PRKACB: variants seen among roughly 807,000 people sequenced by gnomAD.
PRKACB encodes protein kinase cAMP-activated catalytic subunit beta, also known as cAMP-dependent protein kinase catalytic subunit beta.
Under a neutral mutation model 51.4 loss-of-function variants are expected in PRKACB, and 16 were observed. The observed-to-expected ratio is 0.31, with a 90% CI of 0.21 to 0.47. The LOEUF (loss-of-function observed/expected upper bound fraction) is 0.47, where lower values mean the gene tolerates loss of function less well. Ranked by LOEUF, PRKACB falls within the 20% of genes least tolerant of loss-of-function variation. The pLI, the probability that PRKACB is intolerant of heterozygous loss-of-function variation, is 1.00. For synonymous variants in PRKACB, 147 were observed against 154.4 expected, an observed-to-expected ratio of 0.95 and a Z score of 0.35; for missense variants, 309 against 464.5, an observed-to-expected ratio of 0.67 and a Z score of 3.08.
intron 1 of PRKACB, among the ~76,000 whole-genome samples, chr1:84,153,875 C>CTTTCT (rs1655133626): frequency 6.6e-6 from 1 of 152,040 alleles, no homozygotes. Context: ...ATACTGATTT[C>CTTTCT]TTTCTTTTGA....
intron 1 of PRKACB, among the ~76,000 whole-genome samples, chr1:84,152,439 A>G (rs777417640): frequency 6.6e-6 from 1 of 152,184 alleles, no homozygotes; most frequent in Non-Finnish European, 1.5e-5. Context: ...CTCTCTAGCT[A>G]GGAAAGTTCT....
chr1:84,185,156 A>C lies in PRKACB; in HGVS notation c.534A>C (p.Ser178=), dbSNP rs771432016. The change falls in exon 5 of 10, where the codon TCA becomes TCC. Residue 178 remains serine, a synonymous_variant. Coordinates refer to ENST00000370685, the MANE Select transcript of PRKACB (RefSeq NM_182948.4). ...MEYVPGGEMF[S]HLRRIGRFSE... is the part of the protein sequence containing the mutation. ...ATGTCCCTGGGGGTGAAATGTTTTC[A>C]CATCTAAGAAGAATTGGAAGGTTCA... 4 of 1,507,770 alleles carry C rather than the reference A, an allele frequency of 2.7e-6. No individual in the cohort carries two copies. The South Asian group carries it at 5.3e-5, about 20-fold the overall frequency. The allele number at this position is 1,507,770 out of a possible 1,614,324, so 93.4% of individuals were successfully genotyped here. A position where few individuals can be genotyped will look rare whatever the true frequency, so the allele number is the denominator to read the frequency against.
chr1:84,182,397 T>A, intron 3 of PRKACB, 69 bp downstream of exon 3: 1 of 1,228,544 alleles, frequency 8.1e-7, no homozygotes, highest in Non-Finnish European at 1.1e-6. Context: ...ATTAAACAGA[T>A]TCAGTATAAT....
intron 1 of PRKACB, among the ~76,000 whole-genome samples, chr1:84,088,279 A>G (rs1464715372): frequency 6.6e-6 from 1 of 152,190 alleles, no homozygotes; most frequent in Non-Finnish European, 1.5e-5. Flanking sequence ...TTTCAGGGAC[A>G]TCTGAAACTT....
At chr1:84,132,730 AATG>A (rs1273514003) in intron 1 of PRKACB, among the ~76,000 whole-genome samples, 1 of 152,146 alleles carries the variant, frequency 6.6e-6, no homozygotes, top group Admixed American at 6.5e-5. Context: ...CTATAACAGA[AATG>A]AAGAATGCCA....
At chr1:84,098,823 A>T (rs1649121733) in intron 1 of PRKACB, among the ~76,000 whole-genome samples, 1 of 152,090 alleles carries the variant, frequency 6.6e-6, no homozygotes, top group South Asian at 2.1e-4. Flanking sequence ...CTGAAAATGT[A>T]TGCTGGAAGT....
chr1:84,091,987 T>G (rs577832337), intron 1 of PRKACB, among the ~76,000 whole-genome samples: 1 of 152,300 alleles, frequency 6.6e-6, no homozygotes, highest in South Asian at 2.1e-4. Context: ...AGGAAACTTT[T>G]TTGGTTTTTG....
Position 84,237,949 on chromosome 1 carries a change from G to C in PRKACB, c.*2644G>C, listed in dbSNP as rs1482113375. The C allele has an allele frequency of 2.6e-5, 4 of 152,248 alleles. No homozygotes were observed. In the East Asian group the frequency reaches 7.7e-4, roughly 29 times the overall value. 9.4% of individuals were successfully genotyped at this position (152,248 alleles called of 1,614,324 possible). A position where few individuals can be genotyped will look rare whatever the true frequency, so the allele number is the denominator to read the frequency against. On this transcript the variant is annotated 3_prime_UTR_variant, in exon 10 of 10. Transcript: ENST00000370685. Reference sequence around the variant, plus strand: ...TCCTAACTTTCACAGTCGATGACAAGATTGTCTTTTTATCTGATATTTTGA... The same window carrying C: ...TCCTAACTTTCACAGTCGATGACAACATTGTCTTTTTATCTGATATTTTGA...
In PRKACB at chr1:84,144,323, C is replaced by T. The variant is rs1245710967; in HGVS notation, c.-39C>T. ...AGAAGTTGTGAGCTCCTTCTGGAAACATTTGCAGTTACATTAAGTAAAGTG... is the reference window on the plus strand; with the variant it reads ...AGAAGTTGTGAGCTCCTTCTGGAAATATTTGCAGTTACATTAAGTAAAGTG... On this transcript the variant is annotated 5_prime_UTR_variant, in exon 1 of 10. Coordinates refer to ENST00000370685, the MANE Select transcript of PRKACB (RefSeq NM_182948.4). The T allele has an allele frequency of 3.1e-6, 5 of 1,597,022 alleles. No individual in the cohort carries two copies. In the South Asian group the frequency reaches 5.7e-5, roughly 18 times the overall value.
intron 1 of PRKACB, among the ~76,000 whole-genome samples, chr1:84,120,538 A>G (rs1242966557): frequency 6.6e-6 from 1 of 152,126 alleles, no homozygotes; most frequent in Non-Finnish European, 1.5e-5. Flanking sequence ...AACACACAAT[A>G]ATGACTGTGC....
intron 1 of PRKACB, among the ~76,000 whole-genome samples, chr1:84,151,984 G>A (rs893243880): frequency 6.6e-6 from 1 of 152,114 alleles, no homozygotes; most frequent in Non-Finnish European, 1.5e-5. Context: ...AATTTACTTT[G>A]CCCAGATCCA....
chr1:84,121,803 A>C (rs1651100775), intron 1 of PRKACB, among the ~76,000 whole-genome samples: 2 of 152,206 alleles, frequency 1.3e-5, no homozygotes, highest in South Asian at 4.1e-4. Context: ...TCTTTGTGAG[A>C]GAAGCCCTCT....
At chr1:84,115,938 G>A (rs1650604520) in intron 1 of PRKACB, among the ~76,000 whole-genome samples, 1 of 141,406 alleles carries the variant, frequency 7.1e-6, no homozygotes, top group South Asian at 2.3e-4. Flanking sequence ...CTAGAGCAAT[G>A]TCCAGGAGAG....
At chr1:84,228,721 T>G (rs1415371900) in intron 9 of PRKACB, among the ~76,000 whole-genome samples, 1 of 152,142 alleles carries the variant, frequency 6.6e-6, no homozygotes, top group African/African-American at 2.4e-5. Flanking sequence ...TGGCCAGATA[T>G]TTTAAACAAA....
chr1:84,144,133 GA>G, upstream of PRKACB: 3 of 706,372 alleles, frequency 4.2e-6, no homozygotes, highest in Non-Finnish European at 6.2e-6. Context: ...CTTTTAGGCA[GA>G]TATTGCAAGT....
chr1:84,218,939 T>C (rs151216833), intron 9 of PRKACB, among the ~76,000 whole-genome samples: 1 of 152,286 alleles, frequency 6.6e-6, no homozygotes, highest in Non-Finnish European at 1.5e-5. Context: ...GTAAATCTGG[T>C]TTTGAGAAAT....
At chr1:84,221,927 A>G (rs1673786497) in intron 9 of PRKACB, among the ~76,000 whole-genome samples, 1 of 152,148 alleles carries the variant, frequency 6.6e-6, no homozygotes, top group African/African-American at 2.4e-5. Context: ...TGTTGTGTAA[A>G]TGTCTCCTAG....
chr1:84,196,027 G>C (rs1454796328), intron 5 of PRKACB, among the ~76,000 whole-genome samples: 1 of 152,052 alleles, frequency 6.6e-6, no homozygotes, highest in Admixed American at 6.6e-5. Context: ...TGCCAAGATT[G>C]TATCTATGGT....
intron 5 of PRKACB, among the ~76,000 whole-genome samples, chr1:84,196,348 G>T (rs1028840967): frequency 1.3e-5 from 2 of 152,000 alleles, no homozygotes; most frequent in African/African-American, 4.8e-5. Context: ...TTAAATATGG[G>T]CAATAATGAT....
Sources: gnomAD v4.1 joint callset for allele counts (sites outside exome capture counted in the v4.1 genomes callset) on GRCh38, gnomAD v4.1.1 for gene constraint, MANE v1.5 for transcripts, NCBI Gene and HGNC (gene_info 2026-07-23, HGNC 2026-07-21) for gene names.